Variants in UQCRC2 observed in about 807,000 individuals in gnomAD.
The protein encoded by UQCRC2 is cytochrome b-c1 complex subunit 2, mitochondrial.
A neutral mutation model predicts 55.6 loss-of-function variants in UQCRC2; 49 were observed. The ratio of observed to expected loss-of-function variants is 0.88; its 90% CI spans 0.70 to 1.12. The LOEUF is 1.12. UQCRC2 is among the 50% of genes most tolerant of loss of function. UQCRC2 has a pLI of 0.00. For missense variants in UQCRC2, 506 were observed against 547.8 expected, an observed-to-expected ratio of 0.92 and a Z score of 0.76; for synonymous variants, 193 against 192.0, an observed-to-expected ratio of 1.01 and a Z score of -0.04.
Position 21,972,097 on chromosome 16 carries a change from C to T in UQCRC2, c.941C>T (p.Ala314Val). ...NTTSHLHQAV[A>V]KATQQPFDVS... Reference sequence around the variant, plus strand: ...ACCAGCCATCTGCACCAGGCTGTTGCCAAGGCAACTCAGCAGCCATTTGAT... The same window carrying T: ...ACCAGCCATCTGCACCAGGCTGTTGTCAAGGCAACTCAGCAGCCATTTGAT... Residue 314 changes from alanine (A) to valine (V), a missense_variant, in exon 10 of 14, where the codon GCC (alanine) becomes GTC (valine). Transcript: ENST00000268379. 6.2e-7 allele frequency: 1 copy of T among 1,613,854 alleles called. No individual in the cohort carries two copies. Among genetic ancestry groups the T allele is most frequent in the Non-Finnish European group, 8.5e-7 (1 of 1,179,852 alleles).
chr16:21,968,883 C>T (rs919059873), intron 8 of UQCRC2, among the ~76,000 whole-genome samples, 198 bp downstream of exon 8: 13 of 152,126 alleles, frequency 8.5e-5, no homozygotes, highest in Non-Finnish European at 1.8e-4. Flanking sequence ...ATTTGTAAAC[C>T]ACTGGCTTTA....
chr16:21,982,087 G>A (rs1292284402), intron 13 of UQCRC2, among the ~76,000 whole-genome samples: 1 of 151,912 alleles, frequency 6.6e-6, no homozygotes, highest in Non-Finnish European at 1.5e-5. Context: ...TGATCCACCC[G>A]CCTCAGCCTT....
At chr16:21,966,785 G>A (rs1898339117) in intron 7 of UQCRC2, among the ~76,000 whole-genome samples, 1 of 152,136 alleles carries the variant, frequency 6.6e-6, no homozygotes, top group Non-Finnish European at 1.5e-5. Context: ...GTGTCATTAA[G>A]TTAGCTAAAA....
chr16:21,978,312 A>G (rs1195104326), intron 12 of UQCRC2, among the ~76,000 whole-genome samples: 1 of 152,240 alleles, frequency 6.6e-6, no homozygotes, highest in African/African-American at 2.4e-5. Flanking sequence ...AATTGTAATT[A>G]TGTTTAAATG....
At chr16:21,955,115 A>G (rs1898068437) in intron 1 of UQCRC2, among the ~76,000 whole-genome samples, 1 of 151,874 alleles carries the variant, frequency 6.6e-6, no homozygotes, top group Non-Finnish European at 1.5e-5. Context: ...ATTTGGTTGG[A>G]AAACACCTAA....
chr16:21,966,972 C>A (rs1037594642), intron 7 of UQCRC2, among the ~76,000 whole-genome samples: 1 of 152,052 alleles, frequency 6.6e-6, no homozygotes, highest in Non-Finnish European at 1.5e-5. Flanking sequence ...CATGTTGTCA[C>A]ATAAAGCAAT....
At position 21,971,483 on chromosome 16, in the gene UQCRC2, G is replaced by A. The variant is rs761585510; in HGVS notation, c.671-42G>A. On this transcript the variant is annotated intron_variant, in intron 8 of 13. Coordinates refer to ENST00000268379, the MANE Select transcript of UQCRC2 (RefSeq NM_003366.4). ...AAAAATATTTTACGATTGTGTTTTAGTAATTGTGGTTCTAGCTTTGTTTTT... is the reference window on the plus strand; with the variant it reads ...AAAAATATTTTACGATTGTGTTTTAATAATTGTGGTTCTAGCTTTGTTTTT... The A allele has an allele frequency of 3.4e-6, 5 of 1,466,304 alleles. No homozygotes were observed. The East Asian group carries it at 9.2e-5, about 27-fold the overall frequency. 90.8% of individuals were successfully genotyped at this position (1,466,304 alleles called of 1,614,324 possible).
chr16:21,958,000 C>T (rs1217888219), intron 3 of UQCRC2, among the ~76,000 whole-genome samples: 1 of 152,266 alleles, frequency 6.6e-6, no homozygotes, highest in East Asian at 1.9e-4. Flanking sequence ...CACTATAATT[C>T]AATATGATGT....
At chr16:21,969,354 C>T (rs1253563515) in intron 8 of UQCRC2, among the ~76,000 whole-genome samples, 3 of 151,880 alleles carry the variant, frequency 2.0e-5, no homozygotes, top group Non-Finnish European at 4.4e-5. Flanking sequence ...GCCAACATGG[C>T]GAAACCCCGT....
Position 21,962,467 on chromosome 16 carries a change from G to A in UQCRC2, c.340G>A (p.Ala114Thr), listed in dbSNP as rs138177262. The change falls in exon 5 of 14, where the codon GCA becomes ACA. Residue 114 changes from alanine (A) to threonine (T), a missense_variant. By Grantham distance (58) the Ala-to-Thr change is moderately conservative. Transcript: ENST00000268379. ...GTTTATTTTCCGATTCAGTGTGACC[G>A]CAACAAGGGAAAACATGGCTTATAC... The part of the protein sequence containing the change: ...EAVGGKLSVT[A>T]TRENMAYTVE... 4.3e-6 allele frequency: 7 copies of A among 1,614,084 alleles called. 1 individual carries two copies. The South Asian group carries it at 5.5e-5, about 13-fold the overall frequency.
intron 13 of UQCRC2, among the ~76,000 whole-genome samples, chr16:21,982,484 T>C (rs1898756977): frequency 1.3e-5 from 2 of 152,204 alleles, no homozygotes; most frequent in Non-Finnish European, 2.9e-5. Context: ...AGTGTCAGTG[T>C]TGTTTTCCTT....
chr16:21,955,668 A>C (rs1213113590), intron 1 of UQCRC2, among the ~76,000 whole-genome samples: 1 of 152,204 alleles, frequency 6.6e-6, no homozygotes, highest in Non-Finnish European at 1.5e-5. Flanking sequence ...ATGTGGATGA[A>C]GCCATTATTA....
At chr16:21,957,068 C>CAA (rs35025046) in intron 1 of UQCRC2, among the ~76,000 whole-genome samples, 167 bp from the exon 2 acceptor site, 9 of 103,130 alleles carry the variant, frequency 8.7e-5, no homozygotes, top group Admixed American at 1.1e-4. Context: ...CACTCTGTCT[C>CAA]AAAAAAAAAA....
chr16:21,962,985 A>G (rs1163569158), intron 6 of UQCRC2, 100 bp downstream of exon 6: 3 of 1,361,778 alleles, frequency 2.2e-6, no homozygotes, highest in Non-Finnish European at 2.9e-6. Context: ...TTTTATTTTT[A>G]TTTTTATTTA....
chr16:21,975,194 G>C (rs975031141), intron 11 of UQCRC2, among the ~76,000 whole-genome samples: 35 of 152,312 alleles, frequency 2.3e-4, no homozygotes, highest in African/African-American at 8.4e-4. Context: ...GGAGTTGGGA[G>C]CATTGGCAAG....
rs752198378 is a variant in UQCRC2 at position 21,972,058 on chromosome 16, G to A, written c.902G>A (p.Arg301Lys). 5.0e-5 allele frequency: 80 copies of A among 1,614,026 alleles called. No homozygotes were observed. Among genetic ancestry groups the A allele is most frequent in the Admixed American group, 1.2e-4 (7 of 59,998 alleles). ...HVLGAGPHVK[R>K]GSNTTSHLHQ... ...CTCGGTGCTGGGCCACATGTCAAGA[G>A]GGGCAGCAACACCACCAGCCATCTG... Residue 301 changes from arginine (R) to lysine (K), a missense_variant, in exon 10 of 14, where the codon AGG becomes AAG. Arg to Lys is a conservative substitution (Grantham distance 26). Transcript: ENST00000268379.
At position 21,957,521 on chromosome 16, in the gene UQCRC2, C is replaced by T. The variant is rs368453702; in HGVS notation, c.222C>T (p.Phe74=). ...AAGCAGGCAGTAGATATGAGGACTT[C>T]AGCAATTTAGGAACCACCCATTTGC... ...FIKAGSRYED[F]SNLGTTHLLR... Residue 74 remains phenylalanine, a synonymous_variant, in exon 3 of 14, where the codon TTC becomes TTT. Coordinates refer to ENST00000268379, the MANE Select transcript of UQCRC2 (RefSeq NM_003366.4). The T allele has an allele frequency of 6.2e-7, 1 of 1,614,180 alleles. No individual in the cohort carries two copies. Among genetic ancestry groups the T allele is most frequent in the Non-Finnish European group, 8.5e-7 (1 of 1,180,036 alleles).
chr16:21,965,639 A>G (rs1898308017), intron 7 of UQCRC2, 134 bp downstream of exon 7: 1 of 683,250 alleles, frequency 1.5e-6, no homozygotes, highest in Non-Finnish European at 2.2e-6. Context: ...TTTTTCATCC[A>G]CCTGCTTTTT....
At chr16:21,962,614 A>G (rs1402888142) in intron 5 of UQCRC2, 98 bp downstream of exon 5, 2 of 1,593,386 alleles carry the variant, frequency 1.3e-6, no homozygotes, top group Non-Finnish European at 1.7e-6. Context: ...TCTGACTTCC[A>G]TTTTGGATTA....
Sources: allele counts gnomAD v4.1 joint callset (sites outside exome capture counted in the v4.1 genomes callset), GRCh38; gene constraint gnomAD v4.1.1; transcripts MANE v1.5; gene names NCBI Gene and HGNC (gene_info 2026-07-23, HGNC 2026-07-21).